The following EZH1 variants were observed in gnomAD, a reference collection of about 807,000 sequenced individuals.
EZH1 encodes histone-lysine N-methyltransferase EZH1.
EZH1 carries 33 observed loss-of-function variants against 100.5 expected under a neutral mutation model. The ratio of observed to expected loss-of-function variants is 0.33; its 90% CI spans 0.25 to 0.44. The LOEUF (loss-of-function observed/expected upper bound fraction) is 0.44, where lower values mean the gene tolerates loss of function less well. Ranked by LOEUF, EZH1 falls within the 20% of genes least tolerant of loss-of-function variation. The probability of loss-of-function intolerance (pLI) is 1.00; values close to 1 mark genes in which losing one functional copy is unlikely to be tolerated. For missense variants in EZH1, 475 were observed against 928.4 expected, an observed-to-expected ratio of 0.51 and a Z score of 6.35; for synonymous variants, 272 against 313.8, an observed-to-expected ratio of 0.87 and a Z score of 1.41.
chr17:42,707,868 A>C, intron 15 of EZH1, 90 bp downstream of exon 15: 1 of 1,501,058 alleles, frequency 6.7e-7, no homozygotes. Flanking sequence ...AGAAGGCCAT[A>C]AGCAGTAAAG....
rs1555647539 is a variant in EZH1 at position 42,713,055 on chromosome 17, A to AAG, written c.1204+153_1204+154insCT. Among the ~76,000 whole-genome samples, 50 of 140,908 alleles carry AAG rather than the reference A, an allele frequency of 3.5e-4. No individual in the cohort carries two copies. The South Asian group carries it at 6.6e-3, about 19-fold the overall frequency. The allele number at this position is 140,908 out of a possible 152,430, so 92.4% of individuals were successfully genotyped here. ...ACTGTTTCAAAAAAAAAAAAAAAAAAAAAGAAAATATTCCCCATCTTTACT... is the reference window on the plus strand; with the variant it reads ...ACTGTTTCAAAAAAAAAAAAAAAAAAAGAAAGAAAATATTCCCCATCTTTACT... On this transcript the variant is annotated intron_variant, in intron 11 of 20. Transcript: ENST00000428826.
intron 1 of EZH1, among the ~76,000 whole-genome samples, chr17:42,739,106 T>C (rs77168140): frequency 3.9e-5 from 6 of 152,280 alleles, no homozygotes; most frequent in Admixed American, 2.0e-4. Context: ...TGATTCATAG[T>C]GTAATTGAAA....
At position 42,745,017 on chromosome 17, in the gene EZH1, T is replaced by G. The variant is rs1158249304; in HGVS notation, c.-109A>C. The G allele has an allele frequency of 1.6e-6, 2 of 1,272,012 alleles. No homozygotes were observed. Among genetic ancestry groups the G allele is most frequent in the South Asian group, 2.6e-5 (2 of 78,182 alleles). The allele number at this position is 1,272,012 out of a possible 1,614,324, so 78.8% of individuals were successfully genotyped here. A position where few individuals can be genotyped will look rare whatever the true frequency, so the allele number is the denominator to read the frequency against. On this transcript the variant is annotated 5_prime_UTR_variant, in exon 1 of 21. The change abolishes an upstream ATG in the 5' untranslated region. Coordinates refer to ENST00000428826, the MANE Select transcript of EZH1 (RefSeq NM_001991.5). ...GGCTTGTTTACTCACTCACCCTCCA[T>G]CCCGAGCCGCGGGTCCCGCTGCTAG...
intron 1 of EZH1, among the ~76,000 whole-genome samples, chr17:42,731,200 C>T (rs2053941385): frequency 6.6e-6 from 1 of 151,956 alleles, no homozygotes; most frequent in African/African-American, 2.4e-5. Context: ...TCACTGCAAC[C>T]TCCGCCTCCT....
intron 2 of EZH1, 133 bp from the exon 3 acceptor site, chr17:42,729,085 A>C: frequency 1.1e-6 from 1 of 908,630 alleles, no homozygotes; most frequent in African/African-American, 1.7e-5. Flanking sequence ...ACATTTAAAG[A>C]ACCCAAATGT....
At chr17:42,726,705 G>A (rs1027131899) in intron 4 of EZH1, among the ~76,000 whole-genome samples, 1 of 151,772 alleles carries the variant, frequency 6.6e-6, no homozygotes, top group East Asian at 1.9e-4. Context: ...GTAGAGATGG[G>A]GTTTCACCAT....
intron 1 of EZH1, among the ~76,000 whole-genome samples, chr17:42,739,688 T>C (rs11656235): frequency 3.3e-5 from 5 of 151,858 alleles, no homozygotes; most frequent in African/African-American, 4.8e-5. Context: ...GATCGTGCCA[T>C]TGCACTCCAG....
intron 4 of EZH1, among the ~76,000 whole-genome samples, chr17:42,727,199 T>C (rs932641723): frequency 6.6e-6 from 1 of 152,176 alleles, no homozygotes; most frequent in African/African-American, 2.4e-5. Context: ...TTATTCAAAG[T>C]TGACTAAAAT....
intron 18 of EZH1, 120 bp from the exon 19 acceptor site, chr17:42,703,940 G>GC: frequency 1.3e-6 from 1 of 763,130 alleles, no homozygotes; most frequent in Non-Finnish European, 2.3e-6. Flanking sequence ...GAATGTTGAA[G>GC]CCCAGTGTGC....
At chr17:42,704,909 A>G (rs1263037845) in intron 17 of EZH1, among the ~76,000 whole-genome samples, 179 bp downstream of exon 17, 1 of 152,228 alleles carries the variant, frequency 6.6e-6, no homozygotes, top group Admixed American at 6.5e-5. Flanking sequence ...TGGAGTTGCC[A>G]AAGAGTTGAA....
chr17:42,731,407 T>C (rs1200592317), intron 1 of EZH1, among the ~76,000 whole-genome samples: 1 of 152,040 alleles, frequency 6.6e-6, no homozygotes, highest in African/African-American at 2.4e-5. Context: ...GTGTGAGCCA[T>C]TGCACCTGCC....
Position 42,718,308 on chromosome 17 carries a change from T to C in EZH1, c.931+146A>G, listed in dbSNP as rs972875105. ...TCATGCAAAGCATGTTGCACTATAA[T>C]TGAGCAAGGGAAAATAGAACTGGCC... is the stretch of plus-strand genomic sequence containing the variant. On this transcript the variant is annotated intron_variant, in intron 9 of 20. Transcript: ENST00000428826. The surrounding 1 kb of genome is among the most constrained non-coding windows in gnomAD (Gnocchi z 4.2). 8.9e-6 allele frequency: 10 copies of C among 1,125,394 alleles called. No individual in the cohort carries two copies. Among genetic ancestry groups the C allele is most frequent in the Non-Finnish European group, 1.0e-5 (8 of 803,880 alleles). The allele number at this position is 1,125,394 out of a possible 1,614,324, so 69.7% of individuals were successfully genotyped here.
chr17:42,742,079 A>G (rs1336560851), intron 1 of EZH1, among the ~76,000 whole-genome samples: 1 of 151,628 alleles, frequency 6.6e-6, no homozygotes, highest in Non-Finnish European at 1.5e-5. Context: ...CTTCTCCCAA[A>G]TGTCTTCTTG....
chr17:42,713,440 T>C lies in EZH1; in HGVS notation c.1024-51A>G, dbSNP rs375360619. 118 of 1,505,606 alleles carry C rather than the reference T, an allele frequency of 7.8e-5. No individual in the cohort carries two copies. In the African/African-American group the frequency reaches 1.6e-3, roughly 20 times the overall value. 93.3% of individuals were successfully genotyped at this position (1,505,606 alleles called of 1,614,324 possible). ...AAATAGGAACAGGCCCATCACCATA[T>C]TGATCTCATCATCACAAACTTTCAT... On this transcript the variant is annotated intron_variant, in intron 10 of 20. Coordinates refer to ENST00000428826, the MANE Select transcript of EZH1 (RefSeq NM_001991.5).
At chr17:42,719,582 C>T (rs1168547323) in intron 7 of EZH1, among the ~76,000 whole-genome samples, 1 of 152,094 alleles carries the variant, frequency 6.6e-6, no homozygotes, top group African/African-American at 2.4e-5. Context: ...ACTAAAAATA[C>T]AAAACTTAGC....
At chr17:42,703,695 G>T in intron 19 of EZH1, 45 bp downstream of exon 19, 1 of 1,323,574 alleles carries the variant, frequency 7.6e-7, no homozygotes, top group South Asian at 1.2e-5. Flanking sequence ...TCACAGTAAA[G>T]AGGCATCCAT....
chr17:42,705,867 G>T, intron 16 of EZH1, 140 bp downstream of exon 16: 1 of 948,452 alleles, frequency 1.1e-6, no homozygotes, highest in Non-Finnish European at 1.5e-6. Context: ...TATTAATTCA[G>T]TAAATATGTG....
chr17:42,722,355 T>G (rs1242071304), intron 6 of EZH1, among the ~76,000 whole-genome samples: 3 of 151,034 alleles, frequency 2.0e-5, no homozygotes, highest in Admixed American at 2.0e-4. Context: ...CTAGGCATGG[T>G]GGCTCACGCC....
intron 12 of EZH1, among the ~76,000 whole-genome samples, 155 bp from the exon 13 acceptor site, chr17:42,710,092 G>A (rs9903255): frequency 0.017 from 2,662 of 152,256 alleles, 68 homozygotes; most frequent in African/African-American, 0.061. Flanking sequence ...CTGGAACATT[G>A]GGTTACTGGC....
Sources: gnomAD v4.1 joint callset for allele counts (sites outside exome capture counted in the v4.1 genomes callset) on GRCh38, gnomAD v4.1.1 for gene constraint, Gnocchi (gnomAD v3.1) non-coding constraint, MANE v1.5 for transcripts, NCBI Gene and HGNC (gene_info 2026-07-23, HGNC 2026-07-21) for gene names.